The following CREB5 variants were observed in gnomAD, a reference collection of about 807,000 sequenced individuals.
CREB5 encodes cyclic AMP-responsive element-binding protein 5.
Under a neutral mutation model 57.1 loss-of-function variants are expected in CREB5, and 19 were observed. The ratio of observed to expected loss-of-function variants is 0.33; its 90% CI spans 0.23 to 0.49. The LOEUF is 0.49. Among genes scored for constraint, CREB5 ranks in the 20% least tolerant of loss-of-function variants. CREB5 has a pLI of 0.99. For synonymous variants in CREB5, 238 were observed against 238.3 expected, an observed-to-expected ratio of 1.00 and a Z score of 0.01; for missense variants, 579 against 671.6, an observed-to-expected ratio of 0.86 and a Z score of 1.52.
chr7:28,681,443 C>T (rs1800585891), intron 5 of CREB5, among the ~76,000 whole-genome samples: 1 of 152,084 alleles, frequency 6.6e-6, no homozygotes, highest in Non-Finnish European at 1.5e-5. Flanking sequence ...GATCATGCCT[C>T]ACTGTAGTCT....
At chr7:28,416,110 A>C (rs1267417719) in intron 1 of CREB5, among the ~76,000 whole-genome samples, 3 of 152,190 alleles carry the variant, frequency 2.0e-5, no homozygotes, top group Non-Finnish European at 4.4e-5. Context: ...ACAATGTCTA[A>C]ATAGAAATCC....
chr7:28,378,110 C>T (rs1786880383), intron 1 of CREB5, among the ~76,000 whole-genome samples: 1 of 152,086 alleles, frequency 6.6e-6, no homozygotes, highest in Non-Finnish European at 1.5e-5. Flanking sequence ...TTAGTGAACA[C>T]TGGTTGGTCA....
At chr7:28,557,275 CAG>C (rs1191590411) in intron 4 of CREB5, among the ~76,000 whole-genome samples, 1 of 152,088 alleles carries the variant, frequency 6.6e-6, no homozygotes, top group Admixed American at 6.5e-5. Flanking sequence ...TACTGAGAAA[CAG>C]TGGAATCTCA....
rs70977046 is a variant in CREB5 at position 28,489,296 on chromosome 7, C to CTTTTTTT, written c.75+1065_75+1071dup. ...TAAGAAGGATTCATTGAGGACCCTT[C>CTTTTTTT]TTTTTTTTTTTTTTTTTTTTTGAGA... On this transcript the variant is annotated intron_variant, in intron 2 of 10. Transcript: ENST00000357727. 1.6e-3 allele frequency among the ~76,000 whole-genome samples: 158 copies of CTTTTTTT among 96,604 alleles called. 6 individuals carry two copies. The highest frequency in any genetic ancestry group is 3.6e-3 in the African/African-American group (83 of 22,902). The allele number at this position is 96,604 out of a possible 152,430, so 63.4% of individuals were successfully genotyped here.
At chr7:28,602,948 G>A (rs369063624) in intron 5 of CREB5, among the ~76,000 whole-genome samples, 1 of 152,186 alleles carries the variant, frequency 6.6e-6, no homozygotes, top group Non-Finnish European at 1.5e-5. Flanking sequence ...TATGCAAGAT[G>A]TTACCATTGG....
intron 6 of CREB5, among the ~76,000 whole-genome samples, chr7:28,721,491 A>G (rs1803028725): frequency 6.6e-6 from 1 of 152,056 alleles, no homozygotes. Flanking sequence ...CACAGGGGAG[A>G]CGCTTCCCCT....
At chr7:28,529,503 A>G (rs549392545) in intron 4 of CREB5, among the ~76,000 whole-genome samples, 12 of 152,234 alleles carry the variant, frequency 7.9e-5, no homozygotes, top group Admixed American at 5.2e-4. Context: ...ACATGATAAA[A>G]CCACTGGCCT....
chr7:28,768,841 G>A (rs1453340608), intron 7 of CREB5, among the ~76,000 whole-genome samples: 4 of 152,220 alleles, frequency 2.6e-5, no homozygotes, highest in African/African-American at 7.2e-5. Flanking sequence ...CCCAGAAGGA[G>A]GTAGTTTCAT....
chr7:28,777,216 G>C (rs886326376), intron 7 of CREB5, among the ~76,000 whole-genome samples: 1 of 152,114 alleles, frequency 6.6e-6, no homozygotes, highest in Non-Finnish European at 1.5e-5. Context: ...TCTTCATTGT[G>C]GTCCTCAATT....
intron 5 of CREB5, among the ~76,000 whole-genome samples, chr7:28,646,493 A>G (rs1798893674): frequency 6.6e-6 from 1 of 152,208 alleles, no homozygotes. Context: ...AGCCATTCCT[A>G]CTTGCACCAT....
chr7:28,752,986 A>C (rs576025755), intron 7 of CREB5, among the ~76,000 whole-genome samples: 7 of 152,138 alleles, frequency 4.6e-5, no homozygotes, highest in African/African-American at 1.7e-4. Context: ...ATTCTATAAC[A>C]TAATACCAAA....
In CREB5 at chr7:28,804,357, TCACCCTTACCCACACCAG is replaced by T. The variant is rs1224891352; in HGVS notation, c.866_883del (p.Pro289_His294del). On this transcript the variant is annotated inframe_deletion, in exon 8 of 11. Transcript: ENST00000357727. ...ATCAGCACCAGACACTGCCACCCCATCACCCTTACCCACACCAGCACCAGCACCCAGCACACCATCCTC... is the reference window on the plus strand; with the variant it reads ...ATCAGCACCAGACACTGCCACCCCATCACCAGCACCCAGCACACCATCCTC... The T allele has an allele frequency of 6.2e-7, 1 of 1,613,264 alleles. No individual in the cohort carries two copies. The highest frequency in any genetic ancestry group is 8.5e-7 in the Non-Finnish European group (1 of 1,179,690).
intron 7 of CREB5, among the ~76,000 whole-genome samples, chr7:28,788,238 C>T (rs955327324): frequency 6.6e-6 from 1 of 152,020 alleles, no homozygotes; most frequent in African/African-American, 2.4e-5. Context: ...ATGCCAGTAT[C>T]ACAGCACCCT....
chr7:28,472,339 ATGTATATGTGTATTTG>A (rs1176170424), intron 1 of CREB5, among the ~76,000 whole-genome samples: 1 of 152,172 alleles, frequency 6.6e-6, no homozygotes, highest in Non-Finnish European at 1.5e-5. Flanking sequence ...TCTGCACTAT[ATGTATATGTGTATTTG>A]TGTATATGCT....
intron 5 of CREB5, among the ~76,000 whole-genome samples, chr7:28,638,939 C>G (rs138140510): frequency 5.5e-4 from 84 of 152,220 alleles, no homozygotes; most frequent in Middle Eastern, 3.4e-3. Context: ...ATTTCTTACC[C>G]TGCTTATTTA....
intron 4 of CREB5, among the ~76,000 whole-genome samples, chr7:28,569,186 C>G (rs1445155252): frequency 6.6e-6 from 1 of 150,780 alleles, no homozygotes; most frequent in Non-Finnish European, 1.5e-5. Context: ...GAGACAGAGT[C>G]TCACTCTGTC....
At chr7:28,633,772 A>C (rs145119536) in intron 5 of CREB5, among the ~76,000 whole-genome samples, 24 of 152,256 alleles carry the variant, frequency 1.6e-4, no homozygotes, top group African/African-American at 5.3e-4. Context: ...CAAAGACATA[A>C]AGACAGAGGT....
chr7:28,489,298 T>TTTC (rs1364148525), intron 2 of CREB5, among the ~76,000 whole-genome samples: 6 of 138,304 alleles, frequency 4.3e-5, no homozygotes, highest in African/African-American at 1.6e-4. Flanking sequence ...GGACCCTTCT[T>TTTC]TTTTTTTTTT....
At chr7:28,717,966 A>G (rs1163962219) in intron 5 of CREB5, among the ~76,000 whole-genome samples, 1 of 152,246 alleles carries the variant, frequency 6.6e-6, no homozygotes, top group African/African-American at 2.4e-5. Context: ...TCTCTGGCTC[A>G]TTAAATCAAT....
Sources: gnomAD v4.1 joint callset for allele counts (sites outside exome capture counted in the v4.1 genomes callset) on GRCh38, gnomAD v4.1.1 for gene constraint, MANE v1.5 for transcripts, NCBI Gene and HGNC (gene_info 2026-07-23, HGNC 2026-07-21) for gene names.